DISC1: variants seen among roughly 807,000 people sequenced by gnomAD.
DISC1 encodes disrupted in schizophrenia 1 protein.
In DISC1, 57 loss-of-function variants were observed where a neutral mutation model predicts 84.5. The ratio of observed to expected loss-of-function variants is 0.67; its 90% CI spans 0.55 to 0.84. The LOEUF (loss-of-function observed/expected upper bound fraction) is 0.84. Ranked by LOEUF, DISC1 falls within the 40% of genes least tolerant of loss-of-function variation. The pLI, the probability that DISC1 is intolerant of heterozygous loss-of-function variation, is 0.00. For missense variants in DISC1, 1,000 were observed against 1,057.8 expected, an observed-to-expected ratio of 0.95 and a Z score of 0.76; for synonymous variants, 411 against 415.2, an observed-to-expected ratio of 0.99 and a Z score of 0.12.
At chr1:231,713,031 G>T (rs753700707) in intron 3 of DISC1, among the ~76,000 whole-genome samples, 8 of 152,186 alleles carry the variant, frequency 5.3e-5, no homozygotes, top group Non-Finnish European at 1.2e-4. Flanking sequence ...GCTGATCCTT[G>T]AGTTAAGTGT....
chr1:231,856,776 T>C (rs1325631361), intron 9 of DISC1, among the ~76,000 whole-genome samples: 2 of 152,162 alleles, frequency 1.3e-5, no homozygotes, highest in Non-Finnish European at 2.9e-5. Context: ...ATCATTGGAA[T>C]TACCCCAAAG....
rs189359874 is a variant in DISC1, at chr1:231,757,886, C to G, written c.1268+7810C>G. Among the ~76,000 whole-genome samples the G allele has an allele frequency of 1.4e-3, 220 of 152,110 alleles. 3 individuals are homozygous for G. The highest frequency in any genetic ancestry group is 5.0e-3 in the African/African-American group (207 of 41,460). On this transcript the variant is annotated intron_variant, in intron 4 of 12. Coordinates refer to ENST00000439617, the MANE Select transcript of DISC1 (RefSeq NM_018662.3). ...GCCCTGTGTCCCAATCCCTCGGCCT[C>G]CCTCCGATTCCCTCCACAACTGGGA...
At chr1:232,012,289 A>T (rs1197001805) in intron 11 of DISC1, among the ~76,000 whole-genome samples, 1 of 152,204 alleles carries the variant, frequency 6.6e-6, no homozygotes, top group Admixed American at 6.5e-5. Flanking sequence ...AGAAGTAGAC[A>T]TGAGCAATGA....
chr1:231,935,187 G>T (rs1344727924), intron 9 of DISC1, among the ~76,000 whole-genome samples: 5 of 152,176 alleles, frequency 3.3e-5, no homozygotes, highest in African/African-American at 1.2e-4. Flanking sequence ...TGTTTAATAT[G>T]CAAGTGACAT....
At chr1:231,631,748 A>T (rs931321858) in intron 1 of DISC1, among the ~76,000 whole-genome samples, 3 of 151,904 alleles carry the variant, frequency 2.0e-5, no homozygotes, top group African/African-American at 7.2e-5. Flanking sequence ...AAATTAAAAA[A>T]ATTTAAAAAT....
chr1:231,982,364 T>C (rs1194927461), intron 10 of DISC1, among the ~76,000 whole-genome samples: 2 of 152,144 alleles, frequency 1.3e-5, no homozygotes, highest in African/African-American at 4.8e-5. Context: ...TCCTTCCCTC[T>C]TTCTTTTCTT....
chr1:231,818,282 T>C (rs2081231676), intron 8 of DISC1, 47 bp from the exon 9 acceptor site: 1 of 1,579,048 alleles, frequency 6.3e-7, no homozygotes, highest in Non-Finnish European at 8.7e-7. Context: ...TGTGTGTGGA[T>C]GCTGTAAAGC....
At chr1:231,740,480 A>G (rs539901204) in intron 3 of DISC1, among the ~76,000 whole-genome samples, 4 of 152,314 alleles carry the variant, frequency 2.6e-5, no homozygotes, top group African/African-American at 9.6e-5. Context: ...GAGTGCTGGC[A>G]TGGAGAAGAG....
intron 9 of DISC1, among the ~76,000 whole-genome samples, chr1:231,887,712 A>T (rs1204962953): frequency 6.6e-6 from 1 of 152,242 alleles, no homozygotes; most frequent in Non-Finnish European, 1.5e-5. Flanking sequence ...TCCAGAAATG[A>T]ACGTAACTGA....
At chr1:231,964,200 A>C (rs1489470738) in intron 10 of DISC1, among the ~76,000 whole-genome samples, 1 of 152,202 alleles carries the variant, frequency 6.6e-6, no homozygotes, top group Non-Finnish European at 1.5e-5. Context: ...TGGATGGTAC[A>C]GGGGTTCCCA....
Position 231,694,131 on chromosome 1 carries a change from G to C in DISC1, c.373G>C (p.Gly125Arg). Reference sequence around the variant, plus strand: ...GCACTTTGGGATTCAGCTCAGAGGTGGCACCAGATTGCCTGACAGGCTTAG... The same window carrying C: ...GCACTTTGGGATTCAGCTCAGAGGTCGCACCAGATTGCCTGACAGGCTTAG... ...SAHFGIQLRG[G>R]TRLPDRLSWP... Residue 125 changes from glycine (G) to arginine (R), a missense_variant, in exon 2 of 13, where the codon GGC becomes CGC. Coordinates refer to ENST00000439617, the MANE Select transcript of DISC1 (RefSeq NM_018662.3). 3 of 1,614,196 alleles carry C rather than the reference G, an allele frequency of 1.9e-6. No individual in the cohort carries two copies. The East Asian group carries it at 6.7e-5, about 36-fold the overall frequency.
At chr1:231,796,954 C>A (rs929708557) in intron 7 of DISC1, among the ~76,000 whole-genome samples, 1 of 152,070 alleles carries the variant, frequency 6.6e-6, no homozygotes, top group Non-Finnish European at 1.5e-5. Flanking sequence ...TGAGCTCAAG[C>A]GATCCTCCTG....
chr1:231,935,696 A>G (rs1353248871), intron 9 of DISC1, among the ~76,000 whole-genome samples: 1 of 152,188 alleles, frequency 6.6e-6, no homozygotes, highest in Non-Finnish European at 1.5e-5. Context: ...CACATTTACA[A>G]TTGCCCTTGA....
At chr1:231,794,326 A>T (rs2078593485) in intron 6 of DISC1, among the ~76,000 whole-genome samples, 1 of 152,116 alleles carries the variant, frequency 6.6e-6, no homozygotes, top group East Asian at 1.9e-4. Flanking sequence ...CCTAGTTCTA[A>T]ATTGCTGCAC....
chr1:231,763,409 ATGC>A (rs1558501462), intron 4 of DISC1, among the ~76,000 whole-genome samples: 4 of 152,156 alleles, frequency 2.6e-5, no homozygotes, highest in African/African-American at 7.2e-5. Flanking sequence ...ATTTTTCTTG[ATGC>A]TGCTATTTGC....
intron 1 of DISC1, among the ~76,000 whole-genome samples, chr1:231,679,178 G>T (rs1316997297): frequency 6.6e-6 from 1 of 152,230 alleles, no homozygotes; most frequent in Non-Finnish European, 1.5e-5. Context: ...GTCCTTGAGG[G>T]ACACTCACTT....
chr1:231,996,186 TTG>T (rs1376552525), intron 10 of DISC1, among the ~76,000 whole-genome samples: 1 of 152,084 alleles, frequency 6.6e-6, no homozygotes, highest in African/African-American at 2.4e-5. Context: ...TTTGATGGGG[TTG>T]TTTGTTTTTT....
At chr1:231,775,559 T>C (rs558030074) in intron 6 of DISC1, among the ~76,000 whole-genome samples, 3 of 152,180 alleles carry the variant, frequency 2.0e-5, no homozygotes, top group African/African-American at 7.2e-5. Flanking sequence ...AGAGACATCA[T>C]AGACACTTTT....
At chr1:231,956,417 T>A (rs1252508857) in intron 9 of DISC1, among the ~76,000 whole-genome samples, 1 of 152,116 alleles carries the variant, frequency 6.6e-6, no homozygotes, top group African/African-American at 2.4e-5. Flanking sequence ...AATATTCTAC[T>A]TTTCCTCCTC....
Sources: allele counts gnomAD v4.1 joint callset (sites outside exome capture counted in the v4.1 genomes callset), GRCh38; gene constraint gnomAD v4.1.1; transcripts MANE v1.5; gene names NCBI Gene and HGNC (gene_info 2026-07-23, HGNC 2026-07-21).